Variants in PDE2A observed in about 807,000 individuals in gnomAD.
The protein encoded by PDE2A is cGMP-dependent 3',5'-cyclic phosphodiesterase.
PDE2A carries 53 observed loss-of-function variants against 133.6 expected under a neutral mutation model. The observed-to-expected ratio is 0.40, with a 90% CI of 0.32 to 0.50. PDE2A has a LOEUF of 0.50. Among genes scored for constraint, PDE2A ranks in the 20% least tolerant of loss-of-function variants. The probability of loss-of-function intolerance (pLI) is 0.73; values close to 1 mark genes in which losing one functional copy is unlikely to be tolerated. For synonymous variants in PDE2A, 491 were observed against 490.2 expected (o/e 1.00, Z -0.02); for missense variants, 796 against 1,232.4 (o/e 0.65, Z 5.30).
At chr11:72,639,500 A>G (rs1478372457) in intron 2 of PDE2A, among the ~76,000 whole-genome samples, 1 of 152,106 alleles carries the variant, frequency 6.6e-6, no homozygotes, top group African/African-American at 2.4e-5. Flanking sequence ...CTGTTCTTAC[A>G]CCAACAGGCG....
intron 2 of PDE2A, among the ~76,000 whole-genome samples, chr11:72,634,478 G>A (rs184800063): frequency 1.1e-4 from 16 of 152,328 alleles, no homozygotes; most frequent in Middle Eastern, 3.4e-3. Context: ...TTCAGGCCCC[G>A]TTGTGCTGTG....
intron 4 of PDE2A, chr11:72,598,482 T>G (rs1294486351): frequency 8.6e-6 from 11 of 1,286,122 alleles, no homozygotes; most frequent in African/African-American, 3.0e-5. Context: ...CCCCCCAGCC[T>G]CTGGCTCATC....
chr11:72,615,660 G>A (rs1338633347), intron 2 of PDE2A, among the ~76,000 whole-genome samples: 4 of 151,282 alleles, frequency 2.6e-5, no homozygotes, highest in African/African-American at 9.7e-5. Flanking sequence ...CATTTCTGCT[G>A]CCCACATTCT....
intron 5 of PDE2A, 107 bp from the exon 6 acceptor site, chr11:72,596,755 G>T: frequency 1.7e-6 from 1 of 598,434 alleles, no homozygotes; most frequent in Admixed American, 3.9e-5. Flanking sequence ...AGAGAGGCCA[G>T]GACAGAGACA....
chr11:72,581,963 G>T lies in PDE2A; in HGVS notation c.1852-16C>A. 6.2e-7 allele frequency: 1 copy of T among 1,610,496 alleles called. No individual in the cohort carries two copies. The highest frequency in any genetic ancestry group is 8.5e-7 in the Non-Finnish European group (1 of 1,176,774). Reference sequence around the variant, plus strand: ...TCAGGATGGCCTGGAGAGGGCAGAGGGAGGTATCAGAGGGGCTGCCAGTAT... The same window carrying T: ...TCAGGATGGCCTGGAGAGGGCAGAGTGAGGTATCAGAGGGGCTGCCAGTAT... On this transcript the variant is annotated splice_polypyrimidine_tract_variant and intron_variant, in intron 21 of 30. Coordinates refer to ENST00000334456, the MANE Select transcript of PDE2A (RefSeq NM_002599.5).
chr11:72,620,619 T>G (rs1857711209), intron 2 of PDE2A, among the ~76,000 whole-genome samples: 2 of 152,130 alleles, frequency 1.3e-5, no homozygotes, highest in Admixed American at 6.5e-5. Context: ...CTTTGACACC[T>G]GTGCCTCAGC....
chr11:72,622,832 T>C (rs909864160), intron 2 of PDE2A, among the ~76,000 whole-genome samples: 2 of 152,136 alleles, frequency 1.3e-5, no homozygotes. Flanking sequence ...GTTATGATGG[T>C]AAAGTTTAAG....
intron 11 of PDE2A, 117 bp downstream of exon 11, chr11:72,589,634 A>G: frequency 1.2e-6 from 1 of 858,802 alleles, no homozygotes; most frequent in Non-Finnish European, 1.9e-6. Context: ...GATCCAGATA[A>G]TTCCATCGGA....
At chr11:72,618,819 G>A (rs534715108) in intron 2 of PDE2A, among the ~76,000 whole-genome samples, 3 of 152,246 alleles carry the variant, frequency 2.0e-5, no homozygotes, top group South Asian at 2.1e-4. Flanking sequence ...ACAGGGTCCC[G>A]GTCAGTGGGG....
intron 1 of PDE2A, among the ~76,000 whole-genome samples, chr11:72,653,751 G>A (rs1854813254): frequency 1.3e-5 from 2 of 152,218 alleles, no homozygotes; most frequent in Admixed American, 1.3e-4. Context: ...CTGCTCCTTA[G>A]TCTGCCCATC....
At chr11:72,661,917 T>G (rs1855076897) in intron 1 of PDE2A, among the ~76,000 whole-genome samples, 1 of 152,250 alleles carries the variant, frequency 6.6e-6, no homozygotes, top group African/African-American at 2.4e-5. Flanking sequence ...TGATCCTGTG[T>G]CTGCTTTTCA....
chr11:72,589,386 T>C, intron 11 of PDE2A, 146 bp from the exon 12 acceptor site: 1 of 674,530 alleles, frequency 1.5e-6, no homozygotes, highest in Non-Finnish European at 2.6e-6. Context: ...TGAGCAGAGA[T>C]GGAGGGGAGT....
At position 72,590,506 on chromosome 11, in the gene PDE2A, G is replaced by A. The variant is rs1392566241; in HGVS notation, c.624C>T (p.Asn208=). ...GGTCTTCCGCCGTCCCCTCCGGGGG[G>A]TTCTGGACGGCTCGGGGAGCCTCCC... The part of the protein sequence containing the change: ...GPREAPRAVQ[N]PPEGTAEDQK... Residue 208 remains asparagine (N), a synonymous_variant, in exon 8 of 31, where the codon AAC becomes AAT. Transcript: ENST00000334456. The surrounding 1 kb of genome is among the most constrained non-coding windows in gnomAD (Gnocchi z 4.8). 62 of 1,491,234 alleles carry A rather than the reference G, an allele frequency of 4.2e-5. No homozygotes were observed. Among genetic ancestry groups the A allele is most frequent in the Non-Finnish European group, 5.4e-5 (61 of 1,126,074 alleles). The allele number at this position is 1,491,234 out of a possible 1,614,324, so 92.4% of individuals were successfully genotyped here. A position where few individuals can be genotyped will look rare whatever the true frequency, so the allele number is the denominator to read the frequency against.
chr11:72,645,392 C>G lies in PDE2A; in HGVS notation c.72-3066G>C, dbSNP rs193093075. ...TCACACAATCCTTGAAATTCCCCAA[C>G]CAGCACCCTTCCTGAGGGGGCAACC... On this transcript the variant is annotated intron_variant, in intron 1 of 30. Coordinates refer to ENST00000334456, the MANE Select transcript of PDE2A (RefSeq NM_002599.5). 1.0e-3 allele frequency among the ~76,000 whole-genome samples: 156 copies of G among 152,314 alleles called. 1 individual carries two copies. The highest frequency in any genetic ancestry group is 3.6e-3 in the African/African-American group (151 of 41,554).
intron 1 of PDE2A, among the ~76,000 whole-genome samples, chr11:72,655,525 ATG>A (rs146709502): frequency 7.7e-5 from 11 of 142,544 alleles, no homozygotes; most frequent in Middle Eastern, 3.5e-3. Flanking sequence ...GTGTGTGTGC[ATG>A]TGTGTGTGTG....
chr11:72,596,457 A>ATCTC (rs113104892), intron 6 of PDE2A, 136 bp downstream of exon 6: 9 of 164,282 alleles, frequency 5.5e-5, no homozygotes, highest in East Asian at 2.3e-4. Context: ...TATGGCTCCC[A>ATCTC]TCTCTCTCTC....
chr11:72,611,505 G>A (rs1168634497), intron 2 of PDE2A, among the ~76,000 whole-genome samples: 1 of 152,216 alleles, frequency 6.6e-6, no homozygotes, highest in Non-Finnish European at 1.5e-5. Flanking sequence ...ATTGGTGGGT[G>A]CCTGCCTGAC....
chr11:72,662,839 G>C (rs764170004), intron 1 of PDE2A, among the ~76,000 whole-genome samples: 12 of 152,144 alleles, frequency 7.9e-5, no homozygotes, highest in Non-Finnish European at 1.5e-4. Flanking sequence ...TAACCCCAAA[G>C]CTAACCATGG....
intron 2 of PDE2A, among the ~76,000 whole-genome samples, chr11:72,624,018 T>A (rs1207958432): frequency 8.1e-5 from 12 of 147,572 alleles, no homozygotes; most frequent in African/African-American, 3.0e-4. Flanking sequence ...TTTGAGATGG[T>A]ATTTCACTCG....
Sources: allele counts gnomAD v4.1 joint callset (sites outside exome capture counted in the v4.1 genomes callset), GRCh38; gene constraint gnomAD v4.1.1; non-coding constraint Gnocchi (gnomAD v3.1); transcripts MANE v1.5; gene names NCBI Gene and HGNC (gene_info 2026-07-23, HGNC 2026-07-21).